PPP1R37: variants seen among roughly 807,000 people sequenced by gnomAD.
PPP1R37 encodes the protein protein phosphatase 1 regulatory subunit 37, also known as leucine rich repeat containing 68.
A neutral mutation model predicts 61.0 loss-of-function variants in PPP1R37; 21 were observed. That is an observed-to-expected ratio of 0.34 (90% CI 0.24 to 0.50). The LOEUF (loss-of-function observed/expected upper bound fraction) is 0.50, where lower values mean the gene tolerates loss of function less well. Ranked by LOEUF, PPP1R37 falls within the 20% of genes least tolerant of loss-of-function variation. PPP1R37 has a pLI of 0.98. For missense variants in PPP1R37, 910 were observed against 952.7 expected, an observed-to-expected ratio of 0.96 and a Z score of 0.59; for synonymous variants, 443 against 433.5, an observed-to-expected ratio of 1.02 and a Z score of -0.27.
intron 5 of PPP1R37, 65 bp downstream of exon 5, chr19:45,141,506 A>G: frequency 6.7e-7 from 1 of 1,483,366 alleles, no homozygotes; most frequent in Non-Finnish European, 9.0e-7. Flanking sequence ...GCACTTTCTC[A>G]GGGCATGGCC....
chr19:45,135,247 CAAA>C (rs375070231), intron 1 of PPP1R37, among the ~76,000 whole-genome samples: 5,797 of 150,146 alleles, frequency 0.039, 163 homozygotes, highest in Non-Finnish European at 0.055. Context: ...AACTCTGTCT[CAAA>C]AAAAAAGAAG....
At chr19:45,114,457 G>A (rs538846516) in intron 1 of PPP1R37, among the ~76,000 whole-genome samples, 38 of 148,532 alleles carry the variant, frequency 2.6e-4, no homozygotes, top group African/African-American at 9.8e-4. Flanking sequence ...CCCCTGACCC[G>A]GGCAGCTCAT....
intron 2 of PPP1R37, among the ~76,000 whole-genome samples, chr19:45,139,694 G>A (rs1968584360): frequency 6.6e-6 from 1 of 152,256 alleles, no homozygotes. Context: ...TGTGGCAGCT[G>A]AGAGGGTGGG....
rs1968610242 is a variant in PPP1R37, at chr19:45,141,424, G to A, written c.550G>A (p.Ala184Thr). The change falls in exon 5 of 13, where the codon GCC (alanine) becomes ACC (threonine). Residue 184 changes from alanine to threonine, a missense_variant. Transcript: ENST00000221462. ...CGGCACCCGGGGCTGGCAGGCGGCC[G>A]CCCACATGATGCGCAAGGTGGGCGC... Reference protein sequence around the residue: ...HIGTRGWQAAAHMMRKTSCLQ... With the variant: ...HIGTRGWQAATHMMRKTSCLQ... 2 of 1,535,634 alleles carry A rather than the reference G, an allele frequency of 1.3e-6. No individual in the cohort carries two copies. The highest frequency in any genetic ancestry group is 1.7e-6 in the Non-Finnish European group (2 of 1,146,698).
At chr19:45,097,969 C>G (rs1016870261) in intron 1 of PPP1R37, among the ~76,000 whole-genome samples, 4 of 152,118 alleles carry the variant, frequency 2.6e-5, no homozygotes, top group Admixed American at 2.6e-4. Flanking sequence ...GCTCTGTGGC[C>G]TCTGGCAAGC....
Position 45,093,329 on chromosome 19 carries a change from G to T in PPP1R37, c.4G>T (p.Glu2Ter). 1 of 1,471,554 alleles carries T rather than the reference G, an allele frequency of 6.8e-7. No individual in the cohort carries two copies. Among genetic ancestry groups the T allele is most frequent in the Non-Finnish European group, 9.0e-7 (1 of 1,117,094 alleles). The allele number at this position is 1,471,554 out of a possible 1,614,324, so 91.2% of individuals were successfully genotyped here. Residue 2 changes from glutamate to a stop codon, truncating the protein, a stop_gained, in exon 1 of 13, where the codon GAG (glutamate) becomes TAG (stop). Coordinates refer to ENST00000221462, the MANE Select transcript of PPP1R37 (RefSeq NM_019121.2). LOFTEE classifies it high-confidence loss of function. ...CCGTGAGGAGGCGGCGGCGGCTATGGAGATCGCGCCGCAGGAGGCGCCGCC... is the reference window on the plus strand; with the variant it reads ...CCGTGAGGAGGCGGCGGCGGCTATGTAGATCGCGCCGCAGGAGGCGCCGCC... M[E>*]IAPQEAPPVP... is the part of the protein sequence containing the mutation.
chr19:45,139,302 C>T lies in PPP1R37; in HGVS notation c.300+691C>T, dbSNP rs149714791. On this transcript the variant is annotated intron_variant, in intron 2 of 12. Coordinates refer to ENST00000221462, the MANE Select transcript of PPP1R37 (RefSeq NM_019121.2). The stretch of plus-strand genomic sequence containing the variant: ...TACTACAGATCTGAAAAGCCAAATC[C>T]ACCTCTTATCTCTTGCCCCAAGGCC... Among the ~76,000 whole-genome samples, 434 of 152,376 alleles carry T rather than the reference C, an allele frequency of 2.8e-3. 5 individuals carry two copies. The highest frequency in any genetic ancestry group is 4.6e-3 in the Non-Finnish European group (315 of 68,044).
chr19:45,145,577 A>AGACTCG lies in PPP1R37; in HGVS notation c.1530_1535dup (p.Ser511_Asp512dup), dbSNP rs1568452380. On this transcript the variant is annotated inframe_insertion, in exon 11 of 13. Transcript: ENST00000221462. ...CCGCACCCAGCCCGGACTCAGACTC[A>AGACTCG]GACTCGGACTCGGATGGGGAGGAAG... 2 of 1,535,194 alleles carry AGACTCG rather than the reference A, an allele frequency of 1.3e-6. No individual in the cohort carries two copies. Among genetic ancestry groups the AGACTCG allele is most frequent in the South Asian group, 1.2e-5 (1 of 84,042 alleles).
chr19:45,139,516 C>T (rs902534849), intron 2 of PPP1R37, among the ~76,000 whole-genome samples: 4 of 152,162 alleles, frequency 2.6e-5, no homozygotes, highest in Non-Finnish European at 4.4e-5. Flanking sequence ...AGTGAAGCAC[C>T]GCTCGTTCCG....
chr19:45,140,435 G>A (rs1376625461), intron 3 of PPP1R37, 71 bp from the exon 4 acceptor site: 15 of 1,326,142 alleles, frequency 1.1e-5, no homozygotes, highest in Non-Finnish European at 1.6e-5. Context: ...GGAGGTTGGG[G>A]GCAGAGGGCC....
Position 45,145,403 on chromosome 19 carries a change from C to T in PPP1R37, c.1347C>T (p.Asn449=), listed in dbSNP as rs1252567308. The T allele has an allele frequency of 1.4e-5, 21 of 1,535,304 alleles. No individual in the cohort carries two copies. The highest frequency in any genetic ancestry group is 1.7e-5 in the Non-Finnish European group (19 of 1,146,634). ...AGGCGCTGCTGGCCGAGATCCAGAA[C>T]GGCTGCAAGCGCAACTTGGTGCTGG... ...TQKALLAEIQ[N]GCKRNLVLAR... Residue 449 remains asparagine (N), a synonymous_variant, in exon 11 of 13, where the codon AAC becomes AAT. Transcript: ENST00000221462.
chr19:45,138,615 T>A lies in PPP1R37; in HGVS notation c.300+4T>A. ...CAAGCTCCTCAGGCAGCTGCAGGTA[T>A]GGGCGGGACAGGGTGGGTGCGTCCG... On this transcript the variant is annotated splice_donor_region_variant and intron_variant, in intron 2 of 12. Transcript: ENST00000221462. 1 of 650,032 alleles carries A rather than the reference T, an allele frequency of 1.5e-6. No homozygotes were observed. Among genetic ancestry groups the A allele is most frequent in the African/African-American group, 1.9e-5 (1 of 52,410 alleles). The allele number at this position is 650,032 out of a possible 1,614,324, so 40.3% of individuals were successfully genotyped here. A position where few individuals can be genotyped will look rare whatever the true frequency, so the allele number is the denominator to read the frequency against.
At chr19:45,146,284 C>A in intron 11 of PPP1R37, 106 bp from the exon 12 acceptor site, 2 of 1,088,344 alleles carry the variant, frequency 1.8e-6, no homozygotes, top group Non-Finnish European at 2.6e-6. Flanking sequence ...TCTCAGCGGT[C>A]TCTGGGCACT....
chr19:45,122,955 C>T (rs1252943767), intron 1 of PPP1R37, among the ~76,000 whole-genome samples: 1 of 152,198 alleles, frequency 6.6e-6, no homozygotes, highest in Admixed American at 6.5e-5. Flanking sequence ...CCAGATGCAT[C>T]AGGCAGCCTC....
At chr19:45,132,067 C>T (rs1215938535) in intron 1 of PPP1R37, among the ~76,000 whole-genome samples, 2 of 152,158 alleles carry the variant, frequency 1.3e-5, no homozygotes, top group African/African-American at 4.8e-5. Flanking sequence ...AGAAAATACT[C>T]ACACACCCAA....
chr19:45,133,843 C>T (rs1968506779), intron 1 of PPP1R37, among the ~76,000 whole-genome samples: 1 of 152,198 alleles, frequency 6.6e-6, no homozygotes, highest in South Asian at 2.1e-4. Flanking sequence ...TCAGATGGGT[C>T]CAAGCTGGCC....
intron 1 of PPP1R37, among the ~76,000 whole-genome samples, chr19:45,115,389 C>T (rs1157656213): frequency 6.6e-6 from 1 of 152,144 alleles, no homozygotes; most frequent in African/African-American, 2.4e-5. Context: ...GTCCTTGGCA[C>T]ATGCTCCATC....
At chr19:45,142,028 C>T (rs753795761) in intron 5 of PPP1R37, 33 bp from the exon 6 acceptor site, 3 of 1,472,758 alleles carry the variant, frequency 2.0e-6, no homozygotes, top group Admixed American at 2.2e-5. Flanking sequence ...AGGCCTGAGC[C>T]AGTGCCTCAC....
At chr19:45,101,444 T>TG (rs1246887790) in intron 1 of PPP1R37, among the ~76,000 whole-genome samples, 1 of 152,058 alleles carries the variant, frequency 6.6e-6, no homozygotes, top group Non-Finnish European at 1.5e-5. Flanking sequence ...GGGCTGGGCA[T>TG]GGGGGGCTCA....
Sources: allele counts gnomAD v4.1 joint callset (sites outside exome capture counted in the v4.1 genomes callset), GRCh38; gene constraint gnomAD v4.1.1; transcripts MANE v1.5; gene names NCBI Gene and HGNC (gene_info 2026-07-23, HGNC 2026-07-21).